DDAH1: variants seen among roughly 807,000 people sequenced by gnomAD.
DDAH1 encodes N(G),N(G)-dimethylarginine dimethylaminohydrolase 1.
Under a neutral mutation model 28.8 loss-of-function variants are expected in DDAH1, and 19 were observed. That is an observed-to-expected ratio of 0.66 (90% confidence interval 0.46 to 0.97). The LOEUF (loss-of-function observed/expected upper bound fraction) is 0.97, where lower values mean the gene tolerates loss of function less well. Among genes scored for constraint, DDAH1 ranks in the 50% least tolerant of loss-of-function variants. The pLI, the probability that DDAH1 is intolerant of heterozygous loss-of-function variation, is 0.00. For missense variants in DDAH1, 326 were observed against 375.9 expected (o/e 0.87, Z 1.10); for synonymous variants, 153 against 154.4 (o/e 0.99, Z 0.07).
chr1:85,404,308 C>CTG, intron 1 of DDAH1: 1 of 1,447,798 alleles, frequency 6.9e-7, no homozygotes, highest in Non-Finnish European at 9.3e-7. Context: ...AAACTTCTGC[C>CTG]TGTAGGATTG....
chr1:85,447,257 T>C (rs1034619592), intron 1 of DDAH1, among the ~76,000 whole-genome samples: 1 of 152,190 alleles, frequency 6.6e-6, no homozygotes, highest in African/African-American at 2.4e-5. Context: ...AGTCTATTTA[T>C]AGGCTGGCCA....
chr1:85,446,519 A>T (rs1654433195), intron 1 of DDAH1, among the ~76,000 whole-genome samples: 1 of 152,140 alleles, frequency 6.6e-6, no homozygotes, highest in South Asian at 2.1e-4. Context: ...GCTTTCAGGA[A>T]AAAGGAAAAT....
chr1:85,506,830 A>G (rs564795413), intron 1 of DDAH1, among the ~76,000 whole-genome samples: 110 of 152,308 alleles, frequency 7.2e-4, no homozygotes, highest in South Asian at 2.7e-3. Context: ...GGTGCCTCGG[A>G]TAGATGGCTT....
At chr1:85,362,306 G>A (rs1183717898) in intron 1 of DDAH1, among the ~76,000 whole-genome samples, 1 of 152,104 alleles carries the variant, frequency 6.6e-6, no homozygotes, top group Non-Finnish European at 1.5e-5. Context: ...GGTGGGAAGT[G>A]GGCCTGTCTG....
At chr1:85,381,087 A>G (rs973670268) in intron 1 of DDAH1, among the ~76,000 whole-genome samples, 7 of 148,942 alleles carry the variant, frequency 4.7e-5, no homozygotes, top group African/African-American at 1.2e-4. Context: ...AAAATACAAA[A>G]ATTAGCCGGG....
chr1:85,571,730 A>C (rs1030404732), intron 1 of DDAH1, among the ~76,000 whole-genome samples: 1 of 151,618 alleles, frequency 6.6e-6, no homozygotes, highest in African/African-American at 2.4e-5. Flanking sequence ...GAGCCTTGGA[A>C]ATTTTAAGCA....
intron 4 of DDAH1, among the ~76,000 whole-genome samples, chr1:85,341,275 T>C (rs978693483): frequency 6.6e-6 from 1 of 152,202 alleles, no homozygotes; most frequent in African/African-American, 2.4e-5. Flanking sequence ...CTTACCACTG[T>C]GATGTCTTTT....
chr1:85,370,687 C>T (rs769088190), intron 1 of DDAH1, among the ~76,000 whole-genome samples: 2 of 152,052 alleles, frequency 1.3e-5, no homozygotes, highest in South Asian at 2.1e-4. Flanking sequence ...GGAGGGTGGA[C>T]GGAAGTTGGT....
intron 2 of DDAH1, among the ~76,000 whole-genome samples, chr1:85,357,249 T>G (rs1363319981): frequency 1.3e-5 from 2 of 152,050 alleles, no homozygotes; most frequent in Non-Finnish European, 2.9e-5. Context: ...TTCTGTGTTC[T>G]TAGGGTTCAA....
At position 85,360,084 on chromosome 1, in the gene DDAH1, T is replaced by C. The variant is rs1474819208; in HGVS notation, c.304-1237A>G. Among the ~76,000 whole-genome samples the C allele has an allele frequency of 2.6e-5, 4 of 152,328 alleles. No individual in the cohort carries two copies. In the South Asian group the frequency reaches 6.2e-4, roughly 24 times the overall value. ...TAGTTCTTCCAAAAATACAACATGC[T>C]GAGTACACAGTGTGAATTGTCAGTG... On this transcript the variant is annotated intron_variant, in intron 1 of 5. Transcript: ENST00000284031.
intron 2 of DDAH1, among the ~76,000 whole-genome samples, chr1:85,488,138 C>T (rs529842931): frequency 7.5e-4 from 114 of 152,172 alleles, no homozygotes; most frequent in African/African-American, 1.7e-3. Context: ...GAGCTGAGAT[C>T]GCACCACTGG....
upstream of DDAH1, among the ~76,000 whole-genome samples, chr1:85,465,424 G>C (rs911022801): frequency 2.0e-5 from 3 of 150,766 alleles, no homozygotes; most frequent in African/African-American, 7.2e-5. Flanking sequence ...GGCGGTACCT[G>C]TGTTCTGTCG....
Position 85,464,967 on chromosome 1 carries a change from G to A in DDAH1, c.79C>T (p.Gln27Ter). The change falls in exon 1 of 6, where the codon CAG (glutamine) becomes TAG (stop). Residue 27 changes from glutamine (Q) to a stop codon, truncating the protein, a stop_gained. Transcript: ENST00000284031. LOFTEE classifies it high-confidence loss of function. This position sits in a 1 kb window ranked among gnomAD's most constrained non-coding sequence, Gnocchi z 4.4. ...VVRALPESLG[Q>*]HALRSAKGEE... ...CCCTTGGCGCTTCTCAGCGCGTGCT[G>A]GCCGAGCGACTCGGGTAGCGCCCGC... The A allele has an allele frequency of 1.4e-6, 2 of 1,478,796 alleles. No individual in the cohort carries two copies. The highest frequency in any genetic ancestry group is 8.9e-7 in the Non-Finnish European group (1 of 1,120,300). 91.6% of individuals were successfully genotyped at this position (1,478,796 alleles called of 1,614,324 possible). A position where few individuals can be genotyped will look rare whatever the true frequency, so the allele number is the denominator to read the frequency against.
chr1:85,571,323 C>G (rs1239342148), intron 1 of DDAH1, among the ~76,000 whole-genome samples: 1 of 152,194 alleles, frequency 6.6e-6, no homozygotes, highest in Non-Finnish European at 1.5e-5. Context: ...GGAATGTGCA[C>G]ATTCCTTGCA....
At chr1:85,436,181 T>G (rs1653934806) in intron 1 of DDAH1, among the ~76,000 whole-genome samples, 1 of 152,170 alleles carries the variant, frequency 6.6e-6, no homozygotes, top group African/African-American at 2.4e-5. Flanking sequence ...AAAGGTCTCC[T>G]TAACAGAATA....
At chr1:85,556,211 G>T (rs1198998938) in intron 1 of DDAH1, among the ~76,000 whole-genome samples, 1 of 151,922 alleles carries the variant, frequency 6.6e-6, no homozygotes, top group African/African-American at 2.4e-5. Context: ...CATTACTGCT[G>T]GTTCTTTGAT....
chr1:85,464,627 A>C lies in DDAH1; in HGVS notation c.303+116T>G. On this transcript the variant is annotated intron_variant, in intron 1 of 5. Coordinates refer to ENST00000284031, the MANE Select transcript of DDAH1 (RefSeq NM_012137.4). The surrounding 1 kb of genome is among the most constrained non-coding windows in gnomAD (Gnocchi z 4.4). ...ACACACACACTCGCCCCCCGACGGG[A>C]AGTTGTGAACTACTAGCCCGAGGGC... The C allele has an allele frequency of 1.3e-6, 2 of 1,513,022 alleles. No individual in the cohort carries two copies. The highest frequency in any genetic ancestry group is 2.5e-5 in the South Asian group (2 of 81,224). 93.7% of individuals were successfully genotyped at this position (1,513,022 alleles called of 1,614,324 possible).
intron 1 of DDAH1, among the ~76,000 whole-genome samples, chr1:85,396,979 G>A (rs1651844973): frequency 6.6e-6 from 1 of 151,548 alleles, no homozygotes; most frequent in East Asian, 1.9e-4. Context: ...AGAGGCTGCA[G>A]TGAGCCATGA....
At chr1:85,376,430 A>C (rs1650669664) in intron 1 of DDAH1, among the ~76,000 whole-genome samples, 3 of 152,162 alleles carry the variant, frequency 2.0e-5, no homozygotes, top group African/African-American at 7.2e-5. Context: ...TCTTTCATCA[A>C]ACAGCAGTTA....
Sources: gnomAD v4.1 joint callset for allele counts (sites outside exome capture counted in the v4.1 genomes callset) on GRCh38, gnomAD v4.1.1 for gene constraint, Gnocchi (gnomAD v3.1) non-coding constraint, MANE v1.5 for transcripts, NCBI Gene and HGNC (gene_info 2026-07-23, HGNC 2026-07-21) for gene names.